HOPX: variants seen among roughly 807,000 people sequenced by gnomAD.
HOPX encodes HOP homeobox.
HOPX carries 5 observed loss-of-function variants against 11.8 expected under a neutral mutation model. The observed-to-expected ratio is 0.43, with a 90% CI of 0.22 to 0.89. The LOEUF is 0.89. Ranked by LOEUF, HOPX falls within the 40% of genes least tolerant of loss-of-function variation. HOPX has a pLI of 0.28. For missense variants in HOPX, 119 were observed against 120.0 expected (o/e 0.99, Z 0.04); for synonymous variants, 49 against 49.7 (o/e 0.99, Z 0.06).
At chr4:56,657,283 C>T (rs1269602015) in intron 2 of HOPX, among the ~76,000 whole-genome samples, 1 of 152,172 alleles carries the variant, frequency 6.6e-6, no homozygotes, top group African/African-American at 2.4e-5. Flanking sequence ...TTGACTGTCG[C>T]TGACAGTAAA....
At chr4:56,674,928 A>G (rs1718929569) in intron 1 of HOPX, among the ~76,000 whole-genome samples, 1 of 150,946 alleles carries the variant, frequency 6.6e-6, no homozygotes, top group African/African-American at 2.5e-5. Flanking sequence ...AAAAAAAAAA[A>G]AAAAAAAATG....
rs1414378488 is a variant in HOPX, at chr4:56,656,013, C to G, written c.43-1G>C. ...TCTCCGCCGACATGGTCCCTGCGCGCTGCGGGGCAGGGAGAAGCGGCGGCG... is the reference window on the plus strand; with the variant it reads ...TCTCCGCCGACATGGTCCCTGCGCGGTGCGGGGCAGGGAGAAGCGGCGGCG... On this transcript the variant is annotated splice_acceptor_variant, in intron 2 of 3. Transcript: ENST00000420433. LOFTEE classifies it high-confidence loss of function. 6.3e-7 allele frequency: 1 copy of G among 1,588,032 alleles called. No individual in the cohort carries two copies. The highest frequency in any genetic ancestry group is 1.7e-4 in the Middle Eastern group (1 of 5,870).
intron 1 of HOPX, among the ~76,000 whole-genome samples, chr4:56,676,326 A>T (rs1224856469): frequency 1.3e-5 from 2 of 151,548 alleles, no homozygotes; most frequent in African/African-American, 4.9e-5. Flanking sequence ...GGAAGCCATC[A>T]ACAACATCCA....
chr4:56,650,527 G>T, intron 3 of HOPX: 1 of 689,748 alleles, frequency 1.4e-6, no homozygotes, highest in Non-Finnish European at 2.4e-6. Context: ...AGAGGCTGTT[G>T]AGCTTGAATG....
Position 56,656,175 on chromosome 4 carries a change from G to T in HOPX, c.43-163C>A, listed in dbSNP as rs535332027. 2.8e-5 allele frequency: 31 copies of T among 1,104,818 alleles called. No individual in the cohort carries two copies. The African/African-American group carries it at 4.5e-4, about 16-fold the overall frequency. 68.4% of individuals were successfully genotyped at this position (1,104,818 alleles called of 1,614,324 possible). A position where few individuals can be genotyped will look rare whatever the true frequency, so the allele number is the denominator to read the frequency against. ...CCCGGTGGCTGCACGCTGAGCGGGG[G>T]CTTACGGCTGCCCCCCACCCGGGCC... is the stretch of plus-strand genomic sequence containing the variant. On this transcript the variant is annotated intron_variant, in intron 2 of 3. Transcript: ENST00000420433.
At chr4:56,667,742 C>T (rs575042659) in intron 1 of HOPX, among the ~76,000 whole-genome samples, 122 of 152,314 alleles carry the variant, frequency 8.0e-4, no homozygotes, top group African/African-American at 2.9e-3. Flanking sequence ...GTTTTCCTTT[C>T]CTCCAGCATC....
At chr4:56,649,018 A>G (rs1716908502) in intron 3 of HOPX, 1 of 401,972 alleles carries the variant, frequency 2.5e-6, no homozygotes, top group East Asian at 3.6e-5. Flanking sequence ...TCTTTATCTG[A>G]TGATCTCCCT....
At chr4:56,667,659 C>T (rs1718514070) in intron 1 of HOPX, among the ~76,000 whole-genome samples, 1 of 152,174 alleles carries the variant, frequency 6.6e-6, no homozygotes, top group African/African-American at 2.4e-5. Context: ...TTGCCTTTAA[C>T]CACAGAGCTG....
rs146012613 is a variant in HOPX at position 56,648,309 on chromosome 4, G to T, written c.*411C>A. 424 of 158,682 alleles carry T rather than the reference G, an allele frequency of 2.7e-3. 1 individual carries two copies. The highest frequency in any genetic ancestry group is 4.5e-3 in the Non-Finnish European group (323 of 72,554). The allele number at this position is 158,682 out of a possible 1,614,324, so 9.8% of individuals were successfully genotyped here. A position where few individuals can be genotyped will look rare whatever the true frequency, so the allele number is the denominator to read the frequency against. On this transcript the variant is annotated 3_prime_UTR_variant, in exon 4 of 4. Coordinates refer to ENST00000420433, the MANE Select transcript of HOPX (RefSeq NM_032495.6). ...TGATACATAAGGAAAGTGACTTAGG[G>T]AAGTAAGTTCAGAAGGAAATGTGTT...
rs184004760 is a variant in HOPX, at chr4:56,666,199, T to C, written c.-83-8300A>G. Among the ~76,000 whole-genome samples the C allele has an allele frequency of 1.5e-3, 227 of 152,366 alleles. 1 individual carries two copies. Among genetic ancestry groups the C allele is most frequent in the Admixed American group, 3.7e-3 (57 of 15,304 alleles). On this transcript the variant is annotated intron_variant, in intron 1 of 3. Coordinates refer to ENST00000420433, the MANE Select transcript of HOPX (RefSeq NM_032495.6). ...TCCTTCCCCACACGCTCTTCTTCAATTGATGCAGACATCATTGAAAGATGG... is the reference window on the plus strand; with the variant it reads ...TCCTTCCCCACACGCTCTTCTTCAACTGATGCAGACATCATTGAAAGATGG...
At chr4:56,667,440 T>G (rs1718497627) in intron 1 of HOPX, among the ~76,000 whole-genome samples, 1 of 152,214 alleles carries the variant, frequency 6.6e-6, no homozygotes, top group African/African-American at 2.4e-5. Flanking sequence ...CTGTTTTTTT[T>G]TCTCTGTTTA....
Position 56,657,838 on chromosome 4 carries a change from G to A in HOPX, c.-22C>T. 1 of 1,542,192 alleles carries A rather than the reference G, an allele frequency of 6.5e-7. No homozygotes were observed. Among genetic ancestry groups the A allele is most frequent in the Non-Finnish European group, 8.8e-7 (1 of 1,138,220 alleles). ...GCATAGGAAGACTAACTTTCTGAATGTTGCCCAGCTGGTGACCTGTGCTCC... is the reference window on the plus strand; with the variant it reads ...GCATAGGAAGACTAACTTTCTGAATATTGCCCAGCTGGTGACCTGTGCTCC... On this transcript the variant is annotated 5_prime_UTR_variant, in exon 2 of 4. Coordinates refer to ENST00000420433, the MANE Select transcript of HOPX (RefSeq NM_032495.6).
At chr4:56,678,438 A>ATTTTTTTTT (rs57921708) in intron 1 of HOPX, among the ~76,000 whole-genome samples, 1 of 100,258 alleles carries the variant, frequency 1.0e-5, no homozygotes, top group Non-Finnish European at 1.9e-5. Context: ...CTAGTCACTG[A>ATTTTTTTTT]TTTTTTTTTT....
chr4:56,654,633 T>C (rs997103509), intron 3 of HOPX, among the ~76,000 whole-genome samples: 3 of 152,218 alleles, frequency 2.0e-5, no homozygotes, highest in African/African-American at 7.2e-5. Context: ...GCCTTTCTGT[T>C]TGACCTGTAA....
intron 3 of HOPX, among the ~76,000 whole-genome samples, chr4:56,653,188 C>T (rs1243159251): frequency 6.6e-6 from 1 of 152,080 alleles, no homozygotes; most frequent in Non-Finnish European, 1.5e-5. Flanking sequence ...CAGGCATGCA[C>T]CAGCACACCT....
At chr4:56,654,189 G>A (rs1717462875) in intron 3 of HOPX, among the ~76,000 whole-genome samples, 1 of 152,202 alleles carries the variant, frequency 6.6e-6, no homozygotes, top group Non-Finnish European at 1.5e-5. Context: ...ATCTGGACAA[G>A]TGGGCTAATA....
chr4:56,651,935 C>CA (rs1717236230), intron 3 of HOPX, among the ~76,000 whole-genome samples: 1 of 147,780 alleles, frequency 6.8e-6, no homozygotes, highest in Non-Finnish European at 1.5e-5. Context: ...TAGAAAACAC[C>CA]AGATCATCCC....
intron 2 of HOPX, chr4:56,656,324 T>G: frequency 2.8e-6 from 3 of 1,072,398 alleles, no homozygotes; most frequent in Non-Finnish European, 1.1e-6. Context: ...AGATAGATGA[T>G]TCCGCGGGCC....
rs542377886 is a variant in HOPX, at chr4:56,657,048, T to C, written c.42+727A>G. 4.6e-5 allele frequency among the ~76,000 whole-genome samples: 7 copies of C among 152,310 alleles called. No individual in the cohort carries two copies. In the East Asian group the frequency reaches 1.2e-3, roughly 25 times the overall value. On this transcript the variant is annotated intron_variant, in intron 2 of 3. Transcript: ENST00000420433. ...TTCAAGATCTCTTGTATCTCCTTAC[T>C]TTAGAGCCAACCATTACTCTAGCAA...
Sources: allele counts gnomAD v4.1 joint callset (sites outside exome capture counted in the v4.1 genomes callset), GRCh38; gene constraint gnomAD v4.1.1; transcripts MANE v1.5; gene names NCBI Gene and HGNC (gene_info 2026-07-23, HGNC 2026-07-21).